Variants in PDZD2 observed in about 807,000 individuals in gnomAD.
PDZD2 encodes the protein PDZ domain containing 2, also known as PDZ domain-containing protein 2.
PDZD2 carries 90 observed loss-of-function variants against 220.7 expected under a neutral mutation model. The observed-to-expected ratio is 0.41, with a 90% CI of 0.34 to 0.49. The LOEUF (loss-of-function observed/expected upper bound fraction) is 0.49, where lower values mean the gene tolerates loss of function less well. PDZD2 is among the 20% of genes least tolerant of loss of function. PDZD2 has a pLI of 0.28. For synonymous variants in PDZD2, 1,375 were observed against 1,450.5 expected (o/e 0.95, Z 1.18); for missense variants, 3,174 against 3,608.5 (o/e 0.88, Z 3.08).
At chr5:32,001,543 T>C (rs1581246519) in intron 5 of PDZD2, among the ~76,000 whole-genome samples, 1 of 139,824 alleles carries the variant, frequency 7.2e-6, no homozygotes, top group Non-Finnish European at 1.5e-5. Context: ...GTCTGTCCCC[T>C]GTCTCCCTGC....
chr5:31,967,729 G>A (rs146841273), intron 2 of PDZD2, among the ~76,000 whole-genome samples: 178 of 152,290 alleles, frequency 1.2e-3, no homozygotes, highest in African/African-American at 4.2e-3. Context: ...CTGAAGACTT[G>A]GGGAGGAGGA....
At chr5:31,883,840 G>C (rs982899934) in intron 2 of PDZD2, among the ~76,000 whole-genome samples, 4 of 152,104 alleles carry the variant, frequency 2.6e-5, no homozygotes, top group African/African-American at 9.7e-5. Context: ...GGCTTCAACC[G>C]ATCTGCCTAT....
chr5:31,677,296 T>TA (rs1367399720), intron 1 of PDZD2, among the ~76,000 whole-genome samples: 1 of 151,982 alleles, frequency 6.6e-6, no homozygotes, highest in African/African-American at 2.4e-5. Flanking sequence ...ACCCTGTCTC[T>TA]AAAAAAAATT....
At chr5:31,813,543 C>G (rs1184089578) in intron 2 of PDZD2, among the ~76,000 whole-genome samples, 1 of 149,712 alleles carries the variant, frequency 6.7e-6, no homozygotes, top group Non-Finnish European at 1.5e-5. Flanking sequence ...TTACGTATTA[C>G]TAAATCTAGT....
At chr5:32,020,728 T>C (rs1322038347) in intron 6 of PDZD2, among the ~76,000 whole-genome samples, 1 of 150,530 alleles carries the variant, frequency 6.6e-6, no homozygotes, top group Non-Finnish European at 1.5e-5. Flanking sequence ...CACTGCAACC[T>C]CTGCCTCCCA....
intron 2 of PDZD2, among the ~76,000 whole-genome samples, chr5:31,894,631 A>G (rs1741373394): frequency 1.3e-5 from 2 of 152,040 alleles, no homozygotes; most frequent in African/African-American, 4.8e-5. Context: ...CACTTATAAC[A>G]TGGTTATAAT....
At chr5:31,772,863 G>A (rs1752415198) in intron 1 of PDZD2, among the ~76,000 whole-genome samples, 1 of 152,158 alleles carries the variant, frequency 6.6e-6, no homozygotes, top group Non-Finnish European at 1.5e-5. Context: ...GCTCAACTGA[G>A]TAACTGGAGC....
At chr5:31,867,796 A>G (rs1310962889) in intron 2 of PDZD2, among the ~76,000 whole-genome samples, 1 of 146,480 alleles carries the variant, frequency 6.8e-6, no homozygotes, top group African/African-American at 2.5e-5. Flanking sequence ...TCTTCTACAT[A>G]TGTGTGTCAG....
intron 2 of PDZD2, among the ~76,000 whole-genome samples, chr5:31,966,297 G>A (rs1339556521): frequency 3.9e-5 from 6 of 152,102 alleles, no homozygotes; most frequent in Non-Finnish European, 8.8e-5. Context: ...AGTTAATATT[G>A]TACCTCCCCC....
rs1438929600 is a variant in PDZD2, at chr5:31,646,131, T to C, written c.-361+6694T>C. ...AATAAACACCAACTCTTTTGTCCCTTTCACCAAAGGCCAGCATGTTTCCGA... is the reference window on the plus strand; with the variant it reads ...AATAAACACCAACTCTTTTGTCCCTCTCACCAAAGGCCAGCATGTTTCCGA... On this transcript the variant is annotated intron_variant, in intron 1 of 24. Coordinates refer to ENST00000438447, the MANE Select transcript of PDZD2 (RefSeq NM_178140.4). This position sits in a 1 kb window ranked among gnomAD's most constrained non-coding sequence, Gnocchi z 4.7. 6.6e-6 allele frequency among the ~76,000 whole-genome samples: 1 copy of C among 152,166 alleles called. No individual in the cohort carries two copies. Among genetic ancestry groups the C allele is most frequent in the African/African-American group, 2.4e-5 (1 of 41,438 alleles).
chr5:31,856,222 GCC>G (rs1758432551), intron 2 of PDZD2, among the ~76,000 whole-genome samples: 1 of 152,086 alleles, frequency 6.6e-6, no homozygotes, highest in Admixed American at 6.5e-5. Context: ...TAACCTGTAG[GCC>G]TCCGTGGCTC....
At chr5:31,733,226 G>T (rs1052505240) in intron 1 of PDZD2, among the ~76,000 whole-genome samples, 1 of 152,078 alleles carries the variant, frequency 6.6e-6, no homozygotes. Context: ...GCTGCCCTGG[G>T]GTGCTGGTGA....
chr5:31,729,217 C>T (rs1749366277), intron 1 of PDZD2, among the ~76,000 whole-genome samples: 2 of 150,728 alleles, frequency 1.3e-5, no homozygotes, highest in Non-Finnish European at 2.9e-5. Flanking sequence ...AGTTCTTAGC[C>T]TCCCGAGTAG....
At chr5:31,786,667 T>TG (rs1034397455) in intron 1 of PDZD2, among the ~76,000 whole-genome samples, 26 of 151,258 alleles carry the variant, frequency 1.7e-4, no homozygotes, top group African/African-American at 2.2e-4. Flanking sequence ...CTCCAAGATT[T>TG]GGGGGGGTGT....
At chr5:31,711,573 T>A (rs1176300795) in intron 1 of PDZD2, among the ~76,000 whole-genome samples, 1 of 152,202 alleles carries the variant, frequency 6.6e-6, no homozygotes, top group African/African-American at 2.4e-5. Context: ...GAGGTAGCAG[T>A]CACTCCTGAA....
chr5:31,846,235 G>A (rs564619195), intron 2 of PDZD2, among the ~76,000 whole-genome samples: 1 of 152,344 alleles, frequency 6.6e-6, no homozygotes, highest in Non-Finnish European at 1.5e-5. Flanking sequence ...CCGGGTTCAA[G>A]TGATTCTCCT....
chr5:32,077,749 G>A lies in PDZD2; in HGVS notation c.3682+143G>A, dbSNP rs568670152. On this transcript the variant is annotated intron_variant, in intron 19 of 24. Coordinates refer to ENST00000438447, the MANE Select transcript of PDZD2 (RefSeq NM_178140.4). ...AGGTGGGCGGACCACTTGAGGTCAG[G>A]AGTTTGAGACCAGCCTGGCCAACAT... 3 of 742,858 alleles carry A rather than the reference G, an allele frequency of 4.0e-6. No homozygotes were observed. The East Asian group carries it at 8.7e-5, about 22-fold the overall frequency. The allele number at this position is 742,858 out of a possible 1,614,324, so 46.0% of individuals were successfully genotyped here.
rs79800121 is a variant in PDZD2, at chr5:32,061,266, A to G, written c.2451+132A>G. On this transcript the variant is annotated intron_variant, in intron 14 of 24. Transcript: ENST00000438447. The stretch of plus-strand genomic sequence containing the variant: ...CTACGGGTGGTTCATGTGGGAAATG[A>G]ATCTCTAATCTGGACTTTGTCTTCA... 2.5e-4 allele frequency: 175 copies of G among 695,092 alleles called. 1 individual carries two copies. In the East Asian group the frequency reaches 4.7e-3, roughly 19 times the overall value. 43.1% of individuals were successfully genotyped at this position (695,092 alleles called of 1,614,324 possible).
At chr5:31,958,409 G>T (rs1747919981) in intron 2 of PDZD2, among the ~76,000 whole-genome samples, 1 of 151,672 alleles carries the variant, frequency 6.6e-6, no homozygotes, top group Non-Finnish European at 1.5e-5. Flanking sequence ...GCCTGCCACT[G>T]CGCCTAGCTA....
Sources: allele counts gnomAD v4.1 joint callset (sites outside exome capture counted in the v4.1 genomes callset), GRCh38; gene constraint gnomAD v4.1.1; non-coding constraint Gnocchi (gnomAD v3.1); transcripts MANE v1.5; gene names NCBI Gene and HGNC (gene_info 2026-07-23, HGNC 2026-07-21).